LOXHD1: variants seen among roughly 807,000 people sequenced by gnomAD.
LOXHD1 encodes lipoxygenase homology domain-containing protein 1.
LOXHD1 carries 205 observed loss-of-function variants against 248.2 expected under a neutral mutation model. That is an observed-to-expected ratio of 0.83 (90% confidence interval 0.74 to 0.93). The LOEUF (loss-of-function observed/expected upper bound fraction) is 0.93, where lower values mean the gene tolerates loss of function less well. LOXHD1 is among the 40% of genes least tolerant of loss of function. LOXHD1 has a pLI of 0.00. For synonymous variants in LOXHD1, 1,113 were observed against 1,162.8 expected (o/e 0.96, Z 0.87); for missense variants, 2,930 against 2,971.6 (o/e 0.99, Z 0.33).
chr18:46,643,049 A>G (rs914687624), intron 2 of LOXHD1, among the ~76,000 whole-genome samples: 5 of 152,250 alleles, frequency 3.3e-5, no homozygotes, highest in African/African-American at 1.2e-4. Flanking sequence ...TCCCCAAGGC[A>G]TCAGGCTCAG....
intron 21 of LOXHD1, among the ~76,000 whole-genome samples, chr18:46,554,384 T>G (rs2037234281): frequency 6.6e-6 from 1 of 152,122 alleles, no homozygotes; most frequent in Admixed American, 6.5e-5. Context: ...TCAGAGCTCA[T>G]AAAGGTCATG....
intron 27 of LOXHD1, 112 bp from the exon 28 acceptor site, chr18:46,533,436 T>C (rs2036165536): frequency 8.6e-7 from 1 of 1,166,566 alleles, no homozygotes; most frequent in South Asian, 1.6e-5. Flanking sequence ...TGGGGCCCCA[T>C]AAATAATGTA....
At chr18:46,582,904 G>A (rs556655087) in intron 12 of LOXHD1, among the ~76,000 whole-genome samples, 1 of 152,280 alleles carries the variant, frequency 6.6e-6, no homozygotes, top group African/African-American at 2.4e-5. Context: ...ATCAGGGCTT[G>A]TATGGCTTAA....
intron 12 of LOXHD1, among the ~76,000 whole-genome samples, chr18:46,590,663 T>C (rs538227485): frequency 1.4e-4 from 21 of 152,262 alleles, no homozygotes; most frequent in African/African-American, 3.6e-4. Flanking sequence ...CATATTTAGA[T>C]AGATGATTGC....
intron 6 of LOXHD1, among the ~76,000 whole-genome samples, chr18:46,607,790 T>G: frequency 6.6e-6 from 1 of 150,750 alleles, no homozygotes; most frequent in Non-Finnish European, 1.5e-5. Flanking sequence ...ATGACAGGAG[T>G]AAAGGGGAAG....
intron 34 of LOXHD1, among the ~76,000 whole-genome samples, chr18:46,516,870 C>G (rs2035281622): frequency 6.6e-6 from 1 of 152,146 alleles, no homozygotes; most frequent in African/African-American, 2.4e-5. Flanking sequence ...TCACCTTCAT[C>G]CCTATCACCA....
chr18:46,533,052 C>A, intron 28 of LOXHD1, 110 bp downstream of exon 28: 1 of 1,215,736 alleles, frequency 8.2e-7, no homozygotes, highest in South Asian at 1.6e-5. Flanking sequence ...GAGGTAACAA[C>A]AGACCCTACT....
rs777312850 is a variant in LOXHD1 at position 46,489,111 on chromosome 18, G to C, written c.5910C>G (p.Val1970=). ...GIFPGWHLSY[V]DVKDNSRDET... ...CGTCGCGGGAGTTGTCCTTCACATC[G>C]ACATAGCTCAGATGCCAGCCAGGAA... The change falls in exon 38 of 41, where the codon GTC becomes GTG. Residue 1970 remains valine (V), a synonymous_variant. Coordinates refer to ENST00000642948, the MANE Select transcript of LOXHD1 (RefSeq NM_001384474.1). The C allele has an allele frequency of 6.4e-7, 1 of 1,551,632 alleles. No individual in the cohort carries two copies. Among genetic ancestry groups the C allele is most frequent in the Non-Finnish European group, 8.7e-7 (1 of 1,146,990 alleles).
intron 6 of LOXHD1, 146 bp downstream of exon 6, chr18:46,610,630 C>T (rs1226805443): frequency 1.0e-5 from 9 of 859,496 alleles, no homozygotes; most frequent in Non-Finnish European, 1.5e-5. Context: ...ATAAGGAGGA[C>T]AGAATGGCTG....
intron 26 of LOXHD1, among the ~76,000 whole-genome samples, chr18:46,537,158 C>T (rs1289477207): frequency 6.6e-6 from 1 of 152,184 alleles, no homozygotes; most frequent in African/African-American, 2.4e-5. Flanking sequence ...AAGGAGCATT[C>T]TCCCTTCTCT....
chr18:46,577,117 C>T (rs192657183), intron 14 of LOXHD1, among the ~76,000 whole-genome samples: 249 of 152,294 alleles, frequency 1.6e-3, no homozygotes, highest in Middle Eastern at 3.4e-3. Context: ...CAGACATTGC[C>T]ACATAAAATG....
chr18:46,621,415 A>C (rs1032814048), intron 4 of LOXHD1, among the ~76,000 whole-genome samples: 1 of 152,220 alleles, frequency 6.6e-6, no homozygotes, highest in Non-Finnish European at 1.5e-5. Flanking sequence ...AACAAGGCCC[A>C]TGGCCCAATG....
chr18:46,531,718 A>G (rs2036080674), intron 28 of LOXHD1, among the ~76,000 whole-genome samples: 1 of 151,932 alleles, frequency 6.6e-6, no homozygotes, highest in South Asian at 2.1e-4. Flanking sequence ...CGGTGCATCC[A>G]TGGAGAGATG....
In LOXHD1 at chr18:46,485,075, C is replaced by T; in HGVS notation, c.6126G>A (p.Lys2042=). The T allele has an allele frequency of 6.4e-7, 1 of 1,550,944 alleles. No homozygotes were observed. The highest frequency in any genetic ancestry group is 8.7e-7 in the Non-Finnish European group (1 of 1,146,790). Residue 2042 remains lysine (K), a synonymous_variant, in exon 39 of 41, where the codon AAG becomes AAA. Transcript: ENST00000642948. ...ENVWLILEGR[K]NRSKEFLMEN... ...CCATGAGAAACTCTTTGGATCGGTTCTTCCTGCCCTCCAGGATGAGCCAGA... is the reference window on the plus strand; with the variant it reads ...CCATGAGAAACTCTTTGGATCGGTTTTTCCTGCCCTCCAGGATGAGCCAGA...
intron 12 of LOXHD1, among the ~76,000 whole-genome samples, chr18:46,580,208 CCAGTG>C (rs1599024185): frequency 1.3e-5 from 2 of 152,306 alleles, no homozygotes; most frequent in East Asian, 3.9e-4. Context: ...ATGGAGCTGG[CCAGTG>C]CTTGGGGACC....
At chr18:46,481,382 C>T (rs1321267401) in intron 40 of LOXHD1, among the ~76,000 whole-genome samples, 4 of 152,140 alleles carry the variant, frequency 2.6e-5, no homozygotes, top group Non-Finnish European at 5.9e-5. Flanking sequence ...TTGCAGGTGA[C>T]AGGTTTTCAT....
chr18:46,565,949 A>G (rs1461105763), intron 17 of LOXHD1, among the ~76,000 whole-genome samples: 1 of 152,210 alleles, frequency 6.6e-6, no homozygotes, highest in Non-Finnish European at 1.5e-5. Context: ...CACAGAAGAC[A>G]TGAACTAGGT....
intron 14 of LOXHD1, among the ~76,000 whole-genome samples, chr18:46,574,830 T>G (rs2144115950): frequency 6.6e-6 from 1 of 152,180 alleles, no homozygotes; most frequent in African/African-American, 2.4e-5. Context: ...AGGGATTGGG[T>G]CAAAGTCACA....
chr18:46,594,143 T>C lies in LOXHD1; in HGVS notation c.1270+188A>G, dbSNP rs368885426. On this transcript the variant is annotated intron_variant, in intron 9 of 40. Coordinates refer to ENST00000642948, the MANE Select transcript of LOXHD1 (RefSeq NM_001384474.1). ...TCAGCCTTGGTGCCAGGGGTGTGAC[T>C]CTATATGGCCTGTACTTTGGAGAGT... 6.6e-5 allele frequency among the ~76,000 whole-genome samples: 10 copies of C among 152,194 alleles called. No homozygotes were observed. In the East Asian group the frequency reaches 1.4e-3, roughly 21 times the overall value.
Sources: gnomAD v4.1 joint callset for allele counts (sites outside exome capture counted in the v4.1 genomes callset) on GRCh38, gnomAD v4.1.1 for gene constraint, MANE v1.5 for transcripts, NCBI Gene and HGNC (gene_info 2026-07-23, HGNC 2026-07-21) for gene names.